NEDD9: variants seen among roughly 807,000 people sequenced by gnomAD.
The protein encoded by NEDD9 is enhancer of filamentation 1.
A neutral mutation model predicts 76.6 loss-of-function variants in NEDD9; 26 were observed. That is an observed-to-expected ratio of 0.34 (90% CI 0.25 to 0.47). NEDD9 has a LOEUF of 0.47. Among genes scored for constraint, NEDD9 ranks in the 20% least tolerant of loss-of-function variants. The pLI is 1.00. For missense variants in NEDD9, 937 were observed against 1,058.5 expected (o/e 0.89, Z 1.59); for synonymous variants, 392 against 414.2 (o/e 0.95, Z 0.65).
intron 3 of NEDD9, among the ~76,000 whole-genome samples, chr6:11,299,881 A>G (rs970554435): frequency 3.9e-5 from 6 of 152,238 alleles, no homozygotes; most frequent in Admixed American, 1.3e-4. Context: ...CCAAAGGTAG[A>G]TAAAACCACA....
At chr6:11,267,968 C>T (rs1471295838) in intron 3 of NEDD9, among the ~76,000 whole-genome samples, 1 of 152,172 alleles carries the variant, frequency 6.6e-6, no homozygotes, top group Non-Finnish European at 1.5e-5. Flanking sequence ...CAGAGTTGGG[C>T]CTCAGCTTTG....
chr6:11,265,361 G>T (rs888790757), intron 3 of NEDD9, among the ~76,000 whole-genome samples: 4 of 152,188 alleles, frequency 2.6e-5, no homozygotes, highest in South Asian at 2.1e-4. Context: ...TTTCAGATGA[G>T]TTTTAAATTT....
chr6:11,354,892 C>T (rs1020763891), intron 1 of NEDD9, among the ~76,000 whole-genome samples: 10 of 151,972 alleles, frequency 6.6e-5, no homozygotes, highest in South Asian at 2.1e-4. Flanking sequence ...TGGGAGGATG[C>T]GGGTGTGTGG....
chr6:11,341,047 G>C (rs1762263676), intron 1 of NEDD9, among the ~76,000 whole-genome samples: 2 of 152,054 alleles, frequency 1.3e-5, no homozygotes, highest in Non-Finnish European at 2.9e-5. Flanking sequence ...ACGTCCCCCT[G>C]TTTGAAACTC....
At chr6:11,380,238 G>A (rs564722219) in intron 1 of NEDD9, among the ~76,000 whole-genome samples, 26 of 152,356 alleles carry the variant, frequency 1.7e-4, no homozygotes, top group African/African-American at 5.1e-4. Context: ...GGTGGCCGGT[G>A]GTCTTAGCTT....
intron 3 of NEDD9, among the ~76,000 whole-genome samples, chr6:11,254,518 T>G (rs1162383799): frequency 6.6e-6 from 1 of 152,226 alleles, no homozygotes; most frequent in Admixed American, 6.5e-5. Context: ...GAACAGGTAG[T>G]TTTTGGTTAC....
At chr6:11,330,833 G>T (rs985866164) in intron 2 of NEDD9, among the ~76,000 whole-genome samples, 1 of 152,174 alleles carries the variant, frequency 6.6e-6, no homozygotes, top group African/African-American at 2.4e-5. Flanking sequence ...AAGCCTCATT[G>T]TTCTGACTTT....
chr6:11,206,126 T>G, intron 2 of NEDD9, among the ~76,000 whole-genome samples: 1 of 152,310 alleles, frequency 6.6e-6, no homozygotes, highest in South Asian at 2.1e-4. Context: ...TTTTAAAGAT[T>G]TGTACAACCA....
intron 1 of NEDD9, among the ~76,000 whole-genome samples, chr6:11,346,825 C>T (rs1197899818): frequency 2.6e-5 from 4 of 152,068 alleles, no homozygotes; most frequent in Non-Finnish European, 5.9e-5. Context: ...AGAGGATGTG[C>T]AAACCTCTTT....
chr6:11,217,125 C>CT (rs1159969905), intron 1 of NEDD9, among the ~76,000 whole-genome samples: 2 of 152,214 alleles, frequency 1.3e-5, no homozygotes, highest in African/African-American at 4.8e-5. Context: ...AGGAGTTGGA[C>CT]TTTCGAAAAG....
intron 1 of NEDD9, among the ~76,000 whole-genome samples, chr6:11,367,809 T>C (rs573338242): frequency 2.4e-4 from 37 of 152,348 alleles, no homozygotes; most frequent in African/African-American, 7.9e-4. Context: ...TTGAACCAAC[T>C]AGTGACTGTA....
chr6:11,302,228 C>T (rs911052036), intron 3 of NEDD9, among the ~76,000 whole-genome samples: 10 of 152,152 alleles, frequency 6.6e-5, no homozygotes, highest in Admixed American at 6.5e-4. Flanking sequence ...TCAGAGAATA[C>T]TATAAACACC....
intron 3 of NEDD9, among the ~76,000 whole-genome samples, chr6:11,285,854 A>G (rs1581998764): frequency 2.0e-5 from 3 of 152,206 alleles, no homozygotes; most frequent in African/African-American, 7.2e-5. Context: ...TATGAATATT[A>G]ATTCAAAGTG....
chr6:11,244,073 G>A (rs973648898), intron 3 of NEDD9, among the ~76,000 whole-genome samples: 5 of 152,136 alleles, frequency 3.3e-5, no homozygotes, highest in Non-Finnish European at 7.3e-5. Flanking sequence ...CATCTAATCA[G>A]ATGAAGGCCT....
intron 1 of NEDD9, among the ~76,000 whole-genome samples, chr6:11,219,775 C>T (rs1205439578): frequency 1.3e-5 from 2 of 152,332 alleles, no homozygotes; most frequent in Admixed American, 6.5e-5. Flanking sequence ...CTACATTTCT[C>T]CTTTCCTTCC....
At chr6:11,200,934 G>A (rs1758430166) in intron 2 of NEDD9, 1 of 1,613,938 alleles carries the variant, frequency 6.2e-7, no homozygotes, top group Admixed American at 1.7e-5. Context: ...CCAAACTCAG[G>A]ACACTTTATT....
chr6:11,362,597 C>A (rs950885219), intron 1 of NEDD9, among the ~76,000 whole-genome samples: 1 of 152,186 alleles, frequency 6.6e-6, no homozygotes, highest in African/African-American at 2.4e-5. Flanking sequence ...ACTATTCTTT[C>A]ACTATAACTC....
At chr6:11,310,620 T>C (rs570380831) in intron 2 of NEDD9, among the ~76,000 whole-genome samples, 1 of 152,340 alleles carries the variant, frequency 6.6e-6, no homozygotes, top group Admixed American at 6.5e-5. Context: ...ATTTTTCTAA[T>C]TAAAATGAGA....
chr6:11,269,407 A>G (rs1243593442), intron 3 of NEDD9, among the ~76,000 whole-genome samples: 1 of 152,232 alleles, frequency 6.6e-6, no homozygotes, highest in African/African-American at 2.4e-5. Flanking sequence ...TTTATGGACT[A>G]TTTCATTCAC....
Sources: allele counts gnomAD v4.1 joint callset (sites outside exome capture counted in the v4.1 genomes callset), GRCh38; gene constraint gnomAD v4.1.1; transcripts MANE v1.5; gene names NCBI Gene and HGNC (gene_info 2026-07-23, HGNC 2026-07-21).